The following PDE4D variants were observed in gnomAD, a reference collection of about 807,000 sequenced individuals.
The protein encoded by PDE4D is 3',5'-cyclic-AMP phosphodiesterase 4D.
A neutral mutation model predicts 87.4 loss-of-function variants in PDE4D; 24 were observed. The ratio of observed to expected loss-of-function variants is 0.27; its 90% CI spans 0.20 to 0.39. The LOEUF (loss-of-function observed/expected upper bound fraction) is 0.39. Among genes scored for constraint, PDE4D ranks in the 10% least tolerant of loss-of-function variants. The pLI is 1.00. For synonymous variants in PDE4D, 384 were observed against 383.2 expected, an observed-to-expected ratio of 1.00 and a Z score of -0.02; for missense variants, 714 against 1,041.0, an observed-to-expected ratio of 0.69 and a Z score of 4.32.
chr5:60,420,625 C>T lies in PDE4D; in HGVS notation c.-90+67317G>A, dbSNP rs147130145. On this transcript the variant is annotated intron_variant, in intron 1 of 16. Coordinates refer to the PDE4D transcript ENST00000502484. ...AACAACTCCAGTCTGCACCTCCCAG[C>T]GTCATCGATGCAGAAGATGGGTGAT... Among the ~76,000 whole-genome samples, 14 of 152,322 alleles carry T rather than the reference C, an allele frequency of 9.2e-5. 1 individual carries two copies. The highest frequency in any genetic ancestry group is 7.7e-4 in the East Asian group (4 of 5,186).
At chr5:60,477,773 C>T (rs1239015131) in intron 1 of PDE4D, among the ~76,000 whole-genome samples, 2 of 152,282 alleles carry the variant, frequency 1.3e-5, no homozygotes, top group East Asian at 1.9e-4. Context: ...GCTTCGACCC[C>T]AGACACCACT....
At chr5:59,266,179 G>A (rs1762826032) in intron 1 of PDE4D, among the ~76,000 whole-genome samples, 1 of 151,930 alleles carries the variant, frequency 6.6e-6, no homozygotes, top group Admixed American at 6.6e-5. Flanking sequence ...GGAGGATTGA[G>A]ACTAGGAGTT....
chr5:59,689,071 ATAAT>A lies in PDE4D; in HGVS notation c.455+204093_455+204096del, dbSNP rs907478565. 2.2e-4 allele frequency among the ~76,000 whole-genome samples: 33 copies of A among 152,300 alleles called. No individual in the cohort carries two copies. The East Asian group carries it at 5.0e-3, about 23-fold the overall frequency. The stretch of plus-strand genomic sequence containing the variant: ...AATAACAGGCTCTGAAATTGAGGCA[ATAAT>A]TAATAGCCTACCAACCAAAAAAAGT... On this transcript the variant is annotated intron_variant, in intron 1 of 14. Coordinates refer to ENST00000340635, the MANE Select transcript of PDE4D (RefSeq NM_001104631.2).
intron 1 of PDE4D, among the ~76,000 whole-genome samples, chr5:59,562,429 A>G (rs1820187451): frequency 6.6e-6 from 1 of 152,206 alleles, no homozygotes; most frequent in South Asian, 2.1e-4. Flanking sequence ...TAAAATCAGA[A>G]TGCCCTAGCC....
intron 1 of PDE4D, among the ~76,000 whole-genome samples, chr5:59,498,468 AC>A (rs1398295870): frequency 5.3e-5 from 8 of 151,782 alleles, no homozygotes; most frequent in Non-Finnish European, 1.0e-4. Context: ...GTGTTTTAAC[AC>A]TCCATTTAAA....
At chr5:58,996,570 C>G (rs1749280879) in intron 6 of PDE4D, among the ~76,000 whole-genome samples, 1 of 152,098 alleles carries the variant, frequency 6.6e-6, no homozygotes, top group Non-Finnish European at 1.5e-5. Context: ...TTGCACTTCT[C>G]TCAATAAAGC....
intron 1 of PDE4D, among the ~76,000 whole-genome samples, chr5:59,394,049 G>T (rs1046956256): frequency 1.3e-5 from 2 of 152,300 alleles, no homozygotes; most frequent in African/African-American, 4.8e-5. Flanking sequence ...TCGATTGAAG[G>T]TGTCATCAGG....
At chr5:60,176,582 C>G (rs966345967) in intron 2 of PDE4D, among the ~76,000 whole-genome samples, 1 of 152,070 alleles carries the variant, frequency 6.6e-6, no homozygotes, top group African/African-American at 2.4e-5. Flanking sequence ...TTTTCCATGT[C>G]TTTAAATATT....
At chr5:59,063,829 G>A (rs1427916163) in intron 5 of PDE4D, among the ~76,000 whole-genome samples, 1 of 152,062 alleles carries the variant, frequency 6.6e-6, no homozygotes, top group Non-Finnish European at 1.5e-5. Context: ...AGGGGTGTGG[G>A]AAATGAAAAA....
chr5:60,121,982 G>C (rs1778725611), intron 2 of PDE4D, among the ~76,000 whole-genome samples: 1 of 152,162 alleles, frequency 6.6e-6, no homozygotes, highest in Non-Finnish European at 1.5e-5. Context: ...AAACGAAGTG[G>C]TTACAGGGCC....
intron 1 of PDE4D, among the ~76,000 whole-genome samples, chr5:59,813,696 GA>G (rs1184653904): frequency 6.6e-6 from 1 of 152,038 alleles, no homozygotes; most frequent in Non-Finnish European, 1.5e-5. Context: ...AAAGCAATGG[GA>G]AAAAAACTCA....
chr5:59,875,331 C>T (rs562822025), intron 1 of PDE4D, among the ~76,000 whole-genome samples: 32 of 151,860 alleles, frequency 2.1e-4, no homozygotes, highest in African/African-American at 7.0e-4. Context: ...CGTGATGGCA[C>T]TCGCCTGTAG....
intron 2 of PDE4D, among the ~76,000 whole-genome samples, chr5:59,196,691 A>G (rs1365995166): frequency 2.0e-5 from 3 of 152,214 alleles, no homozygotes; most frequent in African/African-American, 7.2e-5. Flanking sequence ...CATTCTTGGG[A>G]GTGGTGGACA....
intron 2 of PDE4D, among the ~76,000 whole-genome samples, chr5:59,990,735 T>C (rs1202034455): frequency 1.3e-5 from 2 of 152,178 alleles, no homozygotes; most frequent in African/African-American, 2.4e-5. Flanking sequence ...ATCCTATGAG[T>C]TACTTCTTCT....
At chr5:59,008,635 CTAGAAGAAAACACAG>C (rs1029554829) in intron 6 of PDE4D, among the ~76,000 whole-genome samples, 1 of 151,974 alleles carries the variant, frequency 6.6e-6, no homozygotes, top group African/African-American at 2.4e-5. Flanking sequence ...TAAAGAACTT[CTAGAAGAAAACACAG>C]TAGAAAGTAG....
At chr5:60,369,342 G>C (rs556931731) in intron 1 of PDE4D, among the ~76,000 whole-genome samples, 3 of 152,204 alleles carry the variant, frequency 2.0e-5, no homozygotes, top group Admixed American at 2.0e-4. Context: ...ACCAGAACAA[G>C]GGGTACCATT....
intron 1 of PDE4D, among the ~76,000 whole-genome samples, chr5:59,597,726 T>C (rs540730183): frequency 6.6e-6 from 1 of 152,244 alleles, no homozygotes; most frequent in South Asian, 2.1e-4. Flanking sequence ...TTTAGAATAA[T>C]TAATAGTTTC....
At chr5:60,102,070 T>C (rs1776270336) in intron 2 of PDE4D, among the ~76,000 whole-genome samples, 1 of 152,088 alleles carries the variant, frequency 6.6e-6, no homozygotes. Flanking sequence ...AGAAAACTGA[T>C]CTAGAGTATC....
At chr5:59,715,043 A>G (rs1204639188) in intron 1 of PDE4D, among the ~76,000 whole-genome samples, 9 of 152,272 alleles carry the variant, frequency 5.9e-5, no homozygotes, top group Non-Finnish European at 1.5e-5. Flanking sequence ...GCTGAGCTCC[A>G]GTATTCACTG....
Sources: allele counts gnomAD v4.1 joint callset (sites outside exome capture counted in the v4.1 genomes callset), GRCh38; gene constraint gnomAD v4.1.1; transcripts MANE v1.5; gene names NCBI Gene and HGNC (gene_info 2026-07-23, HGNC 2026-07-21).